Variants in RASEF observed in about 807,000 individuals in gnomAD.
RASEF encodes the protein ras and EF-hand domain-containing protein.
Under a neutral mutation model 90.1 loss-of-function variants are expected in RASEF, and 68 were observed. That is an observed-to-expected ratio of 0.75 (90% CI 0.62 to 0.92). RASEF has a LOEUF of 0.92. RASEF is among the 40% of genes least tolerant of loss of function. The probability of loss-of-function intolerance (pLI) is 0.00; values close to 1 mark genes in which losing one functional copy is unlikely to be tolerated. For missense variants in RASEF, 949 were observed against 937.2 expected (o/e 1.01, Z -0.16); for synonymous variants, 331 against 345.2 (o/e 0.96, Z 0.46).
chr9:83,151,987 G>C, the RASEF span, among the ~76,000 whole-genome samples: 1 of 152,174 alleles, frequency 6.6e-6, no homozygotes, highest in African/African-American at 2.4e-5. Context: ...GATACTTCAA[G>C]GACCAGAGGC....
chr9:83,015,592 A>C (rs1333227337), intron 4 of RASEF, among the ~76,000 whole-genome samples: 1 of 152,196 alleles, frequency 6.6e-6, no homozygotes, highest in Non-Finnish European at 1.5e-5. Flanking sequence ...AGACAGGAGA[A>C]TCATTTGAAT....
chr9:83,204,637 A>C, the RASEF span, among the ~76,000 whole-genome samples: 2 of 152,248 alleles, frequency 1.3e-5, no homozygotes, highest in South Asian at 2.1e-4. Context: ...AAAACACCAC[A>C]CAAACATGTC....
intron 1 of RASEF, among the ~76,000 whole-genome samples, chr9:83,049,528 C>CTTTTTTTTTTTTTTT: frequency 1.4e-5 from 1 of 73,522 alleles, no homozygotes. Flanking sequence ...TTTCTGCCTT[C>CTTTTTTTTTTTTTTT]CTTTTTTTTT....
At chr9:83,188,739 C>T in the RASEF span, among the ~76,000 whole-genome samples, 1 of 152,162 alleles carries the variant, frequency 6.6e-6, no homozygotes, top group Non-Finnish European at 1.5e-5. Context: ...ACACAGAGTC[C>T]ACATCCCAGC....
chr9:83,028,568 A>T (rs1025606910), intron 1 of RASEF, among the ~76,000 whole-genome samples: 23 of 152,214 alleles, frequency 1.5e-4, no homozygotes, highest in African/African-American at 5.3e-4. Flanking sequence ...CGCAAGAAAG[A>T]TGACAATAAT....
At chr9:83,092,003 C>CTTTTTATTTTTTTTTTTTTTTTTTTTTT in the RASEF span, among the ~76,000 whole-genome samples, 1 of 35,920 alleles carries the variant, frequency 2.8e-5, no homozygotes, top group Non-Finnish European at 5.3e-5. Flanking sequence ...TCTTTTATTT[C>CTTTTTATTTTTTTTTTTTTTTTTTTTTT]TTTTTTTTTT....
chr9:83,032,433 G>C (rs1354970771), intron 1 of RASEF, among the ~76,000 whole-genome samples: 2 of 152,180 alleles, frequency 1.3e-5, no homozygotes, highest in African/African-American at 4.8e-5. Flanking sequence ...AAACACTAGG[G>C]AAAGAAAGAT....
chr9:83,133,371 A>T, the RASEF span, among the ~76,000 whole-genome samples: 83,382 of 152,030 alleles, frequency 0.55, 23,328 homozygotes, highest in East Asian at 0.76. Context: ...GTTCATTTTT[A>T]AAATCAAATA....
the RASEF span, among the ~76,000 whole-genome samples, chr9:83,080,068 G>A: frequency 1.1e-4 from 16 of 152,026 alleles, no homozygotes; most frequent in African/African-American, 2.7e-4. Flanking sequence ...AAAATAATTC[G>A]GAATAAACAA....
the RASEF span, among the ~76,000 whole-genome samples, chr9:83,075,294 T>G: frequency 6.6e-6 from 1 of 152,230 alleles, no homozygotes; most frequent in Non-Finnish European, 1.5e-5. Context: ...TTTCTGTAAT[T>G]GGTTTCCAAT....
the RASEF span, among the ~76,000 whole-genome samples, chr9:83,159,202 A>G: frequency 5.3e-5 from 8 of 151,662 alleles, no homozygotes. Flanking sequence ...AAAAAAAAAA[A>G]AGAAATTTAT....
At chr9:83,055,518 G>T in intron 1 of RASEF, 1 of 700,478 alleles carries the variant, frequency 1.4e-6, no homozygotes, top group South Asian at 1.5e-5. Flanking sequence ...CGTCGCTCAC[G>T]CTGGGAGCTG....
chr9:83,153,472 A>G, the RASEF span, among the ~76,000 whole-genome samples: 1 of 152,100 alleles, frequency 6.6e-6, no homozygotes, highest in Admixed American at 6.5e-5. Flanking sequence ...ACCTTCTCTA[A>G]TGCTATCAAA....
At chr9:83,047,586 T>C (rs1829956512) in intron 1 of RASEF, among the ~76,000 whole-genome samples, 1 of 152,194 alleles carries the variant, frequency 6.6e-6, no homozygotes, top group South Asian at 2.1e-4. Flanking sequence ...GACATCCCAA[T>C]GCATTCACAG....
the RASEF span, among the ~76,000 whole-genome samples, chr9:83,136,758 T>C: frequency 3.3e-5 from 5 of 152,152 alleles, no homozygotes; most frequent in Non-Finnish European, 5.9e-5. Flanking sequence ...CTATTATGTA[T>C]GAAATACAAG....
At chr9:83,128,101 G>A in the RASEF span, among the ~76,000 whole-genome samples, 1 of 149,642 alleles carries the variant, frequency 6.7e-6, no homozygotes, top group Non-Finnish European at 1.5e-5. Context: ...ACTTATGGGA[G>A]GACATACTGC....
chr9:83,060,099 C>T (rs1830179067), intron 1 of RASEF, among the ~76,000 whole-genome samples: 1 of 152,108 alleles, frequency 6.6e-6, no homozygotes, highest in Non-Finnish European at 1.5e-5. Flanking sequence ...CCGTTCCTCT[C>T]AAACTGGATG....
At chr9:83,178,316 G>T in the RASEF span, among the ~76,000 whole-genome samples, 3 of 152,100 alleles carry the variant, frequency 2.0e-5, no homozygotes, top group African/African-American at 4.8e-5. Context: ...GATAGTTCTT[G>T]CTTCTCTCTT....
the RASEF span, among the ~76,000 whole-genome samples, chr9:83,105,738 A>G: frequency 6.0e-4 from 91 of 152,324 alleles, no homozygotes; most frequent in Non-Finnish European, 1.2e-3. Flanking sequence ...GCATTATTAC[A>G]AATCCAAGCC....
Sources: gnomAD v4.1 joint callset for allele counts (sites outside exome capture counted in the v4.1 genomes callset) on GRCh38, gnomAD v4.1.1 for gene constraint, MANE v1.5 for transcripts, NCBI Gene and HGNC (gene_info 2026-07-23, HGNC 2026-07-21) for gene names.